The following TPRX1 variants were observed in gnomAD, a reference collection of about 807,000 sequenced individuals.
The protein encoded by TPRX1 is tetra-peptide repeat homeobox protein 1.
In TPRX1, 2 loss-of-function variants were observed where a neutral mutation model predicts 8.1. The ratio of observed to expected loss-of-function variants is 0.25; its 90% CI spans 0.10 to 0.78. The LOEUF is 0.78. TPRX1 is among the 30% of genes least tolerant of loss of function. The probability of loss-of-function intolerance (pLI) is 0.70; values close to 1 mark genes in which losing one functional copy is unlikely to be tolerated. For synonymous variants in TPRX1, 257 were observed against 254.1 expected (o/e 1.01, Z -0.11); for missense variants, 517 against 586.9 (o/e 0.88, Z 1.23).
In TPRX1 at chr19:47,815,131, T is replaced by TATATATGCAA. The variant is rs1555800038; in HGVS notation, c.151+3336_151+3337insTTGCATATAT. Among the ~76,000 whole-genome samples, 245 of 111,418 alleles carry TATATATGCAA rather than the reference T, an allele frequency of 2.2e-3. 3 individuals carry two copies. Among genetic ancestry groups the TATATATGCAA allele is most frequent in the African/African-American group, 8.8e-3 (236 of 26,958 alleles). The allele number at this position is 111,418 out of a possible 152,430, so 73.1% of individuals were successfully genotyped here. On this transcript the variant is annotated intron_variant, in intron 2 of 3. Coordinates refer to ENST00000535759, the Ensembl canonical transcript of TPRX1. ...TAGATAAATTATATATATATATATA[T>TATATATGCAA]ATATATATATATGCAAATATATATA...
At chr19:47,802,065 A>T in exon 4 of TPRX1, 2 of 1,584,354 alleles carry the variant, frequency 1.3e-6, no homozygotes, top group Non-Finnish European at 1.7e-6. Context: ...GCTGGGACTG[A>T]GCCTGAGCCT....
At position 47,804,501 on chromosome 19, in the gene TPRX1, C is replaced by G. The variant is rs1371861204; in HGVS notation, c.152-828G>C. Among the ~76,000 whole-genome samples the G allele has an allele frequency of 6.6e-6, 1 of 152,236 alleles. No individual in the cohort carries two copies. The highest frequency in any genetic ancestry group is 1.5e-5 in the Non-Finnish European group (1 of 68,048). On this transcript the variant is annotated intron_variant, in intron 2 of 3. Coordinates refer to ENST00000535759, the Ensembl canonical transcript of TPRX1. Reference sequence around the variant, plus strand: ...GGATCAGCCCAGACCCCTCACACCTCTGTCCCCGCTCACCTTGGAGATGAC... The same window carrying G: ...GGATCAGCCCAGACCCCTCACACCTGTGTCCCCGCTCACCTTGGAGATGAC...
Position 47,816,585 on chromosome 19 carries a change from T to G in TPRX1, c.151+1883A>C, listed in dbSNP as rs188521991. Among the ~76,000 whole-genome samples, 9 of 140,184 alleles carry G rather than the reference T, an allele frequency of 6.4e-5. 1 individual carries two copies. The East Asian group carries it at 1.9e-3, about 29-fold the overall frequency. 92.0% of individuals were successfully genotyped at this position (140,184 alleles called of 152,430 possible). A position where few individuals can be genotyped will look rare whatever the true frequency, so the allele number is the denominator to read the frequency against. ...TCTCACGCCGTCGCCCAGGCTGGAG[T>G]GCGGTGGCACAATCTCGGCTCACTG... is the stretch of plus-strand genomic sequence containing the variant. On this transcript the variant is annotated intron_variant, in intron 2 of 3. Transcript: ENST00000535759.
chr19:47,801,970 G>C (rs1392755062), exon 4 of TPRX1: 1 of 1,614,124 alleles, frequency 6.2e-7, no homozygotes, highest in East Asian at 2.2e-5. Context: ...GGAATAACTG[G>C]GTGTCTGGCA....
rs1407446494 is a variant in TPRX1 at position 47,808,154 on chromosome 19, G to T, written c.152-4481C>A. ...TTTGAGATGGAATTTCACTCTTCTT[G>T]CCCAGGCTGGAGTGCAATGGCGCGA... On this transcript the variant is annotated intron_variant, in intron 2 of 3. Transcript: ENST00000535759. Among the ~76,000 whole-genome samples the T allele has an allele frequency of 2.0e-5, 3 of 151,606 alleles. No homozygotes were observed. The East Asian group carries it at 5.8e-4, about 29-fold the overall frequency.
At position 47,812,499 on chromosome 19, in the gene TPRX1, C is replaced by T. The variant is rs142711234; in HGVS notation, c.151+5969G>A. On this transcript the variant is annotated intron_variant, in intron 2 of 3. Transcript: ENST00000535759. ...CTGTAATCCCAGCACTTTGGGAGGCCGAGTCAGGAGGATCAATTGAGGTGA... is the reference window on the plus strand; with the variant it reads ...CTGTAATCCCAGCACTTTGGGAGGCTGAGTCAGGAGGATCAATTGAGGTGA... 7.8e-3 allele frequency among the ~76,000 whole-genome samples: 1,188 copies of T among 151,742 alleles called. 15 individuals are homozygous for T. The highest frequency in any genetic ancestry group is 0.026 in the African/African-American group (1,088 of 41,374).
chr19:47,815,401 C>T (rs1316227197), intron 2 of TPRX1, among the ~76,000 whole-genome samples: 5 of 140,804 alleles, frequency 3.6e-5, no homozygotes, highest in Admixed American at 7.1e-5. Flanking sequence ...GATCCACCCA[C>T]CTTGGCCTCC....
At chr19:47,808,317 G>A (rs1218640153) in intron 2 of TPRX1, among the ~76,000 whole-genome samples, 2 of 152,032 alleles carry the variant, frequency 1.3e-5, no homozygotes, top group Non-Finnish European at 2.9e-5. Context: ...GTTTCACTGT[G>A]TTGTCCAGGC....
At chr19:47,809,628 T>C (rs1967764728) in intron 2 of TPRX1, among the ~76,000 whole-genome samples, 1 of 152,184 alleles carries the variant, frequency 6.6e-6, no homozygotes, top group South Asian at 2.1e-4. Flanking sequence ...CAAAAGTAAT[T>C]ACCCAGAGAT....
intron 2 of TPRX1, among the ~76,000 whole-genome samples, chr19:47,814,868 TG>T (rs1161450239): frequency 1.2e-3 from 184 of 151,578 alleles, no homozygotes; most frequent in Non-Finnish European, 2.0e-3. Context: ...GGTGTGATCT[TG>T]GCTCACTGCA....
intron 2 of TPRX1, among the ~76,000 whole-genome samples, chr19:47,807,281 T>G (rs1967743938): frequency 6.6e-6 from 1 of 152,146 alleles, no homozygotes; most frequent in East Asian, 1.9e-4. Flanking sequence ...CGTCTCGAAC[T>G]CCTGAGTTTA....
exon 4 of TPRX1, chr19:47,802,432 G>T: frequency 2.9e-6 from 4 of 1,375,528 alleles, no homozygotes; most frequent in Non-Finnish European, 3.0e-6. Context: ...CTGGGATCGG[G>T]CCTGAGATTG....
chr19:47,808,012 C>T (rs1967749994), intron 2 of TPRX1, among the ~76,000 whole-genome samples: 1 of 152,080 alleles, frequency 6.6e-6, no homozygotes, highest in African/African-American at 2.4e-5. Flanking sequence ...TCACTGCAAC[C>T]TCGAACTCTG....
chr19:47,816,722 T>G (rs376662785), intron 2 of TPRX1, among the ~76,000 whole-genome samples: 1 of 149,812 alleles, frequency 6.7e-6, no homozygotes, highest in Admixed American at 6.6e-5. Context: ...TTAGTAGAGA[T>G]GGGGTTTCAC....
intron 2 of TPRX1, among the ~76,000 whole-genome samples, chr19:47,812,813 AAAC>A (rs1967795497): frequency 6.7e-6 from 1 of 149,892 alleles, no homozygotes; most frequent in Non-Finnish European, 1.5e-5. Context: ...ACCAAAAACT[AAAC>A]AAAAAAAGCC....
At position 47,811,721 on chromosome 19, in the gene TPRX1, A is replaced by G. The variant is rs374456923; in HGVS notation, c.151+6747T>C. Reference sequence around the variant, plus strand: ...ACCATATTGGCCAGGCTGGTCTCGAACTTCTGACCTCGTGATCCGCCCACC... The same window carrying G: ...ACCATATTGGCCAGGCTGGTCTCGAGCTTCTGACCTCGTGATCCGCCCACC... On this transcript the variant is annotated intron_variant, in intron 2 of 3. Transcript: ENST00000535759. 7.9e-5 allele frequency among the ~76,000 whole-genome samples: 12 copies of G among 151,468 alleles called. 1 individual carries two copies. The South Asian group carries it at 8.4e-4, about 11-fold the overall frequency.
intron 2 of TPRX1, among the ~76,000 whole-genome samples, chr19:47,818,246 CCCAT>C (rs756906028): frequency 0.12 from 15,814 of 129,654 alleles, 1,229 homozygotes; most frequent in Middle Eastern, 0.2. Context: ...CCATCCATCA[CCCAT>C]CCATCCATCC....
intron 2 of TPRX1, among the ~76,000 whole-genome samples, chr19:47,815,129 T>TATATATGCAAATATATATATATGCAA (rs1555800034): frequency 9.8e-6 from 1 of 101,750 alleles, no homozygotes; most frequent in African/African-American, 3.6e-5. Flanking sequence ...TATATATATA[T>TATATATGCAAATATATATATATGCAA]ATATATATAT....
exon 4 of TPRX1, chr19:47,801,832 C>G (rs772787247): frequency 3.1e-6 from 5 of 1,614,176 alleles, no homozygotes; most frequent in Non-Finnish European, 4.2e-6. Flanking sequence ...AGCCACCCTC[C>G]TCTTGGGGCT....
Sources: allele counts gnomAD v4.1 joint callset (sites outside exome capture counted in the v4.1 genomes callset), GRCh38; gene constraint gnomAD v4.1.1; transcripts MANE v1.5; gene names NCBI Gene and HGNC (gene_info 2026-07-23, HGNC 2026-07-21).